Variants in RPS6KA2 observed in about 807,000 individuals in gnomAD.
RPS6KA2 encodes ribosomal protein S6 kinase alpha-2.
A neutral mutation model predicts 91.8 loss-of-function variants in RPS6KA2; 42 were observed. That is an observed-to-expected ratio of 0.46 (90% CI 0.36 to 0.59). The LOEUF (loss-of-function observed/expected upper bound fraction) is 0.59, where lower values mean the gene tolerates loss of function less well. RPS6KA2 is among the 20% of genes least tolerant of loss of function. RPS6KA2 has a pLI of 0.00. For missense variants in RPS6KA2, 798 were observed against 978.5 expected (o/e 0.82, Z 2.46); for synonymous variants, 414 against 393.6 (o/e 1.05, Z -0.61).
intron 1 of RPS6KA2, among the ~76,000 whole-genome samples, chr6:166,617,818 C>T (rs895894286): frequency 2.8e-4 from 42 of 152,234 alleles, no homozygotes; most frequent in African/African-American, 9.6e-4. Context: ...CCGCAACAGC[C>T]ACAGCTGTCT....
At chr6:166,427,344 C>T (rs1778962125) in intron 16 of RPS6KA2, among the ~76,000 whole-genome samples, 1 of 152,210 alleles carries the variant, frequency 6.6e-6, no homozygotes, top group South Asian at 2.1e-4. Flanking sequence ...CAGCCAATAT[C>T]ATACTGAATG....
rs112340841 is a variant in RPS6KA2, at chr6:166,418,092, GAA to G, written c.1938+131_1938+132del. The G allele has an allele frequency of 2.0e-3, 1,151 of 566,320 alleles. No homozygotes were observed. The highest frequency in any genetic ancestry group is 2.9e-3 in the East Asian group (88 of 30,622). 35.1% of individuals were successfully genotyped at this position (566,320 alleles called of 1,614,324 possible). A position where few individuals can be genotyped will look rare whatever the true frequency, so the allele number is the denominator to read the frequency against. ...GAGACAGAGCGAGACTCCATTTCAA[GAA>G]AAAAAAAAAAATATGCTGAGGATAA... On this transcript the variant is annotated intron_variant, in intron 19 of 20. Coordinates refer to ENST00000265678, the MANE Select transcript of RPS6KA2 (RefSeq NM_021135.6). This position sits in a 1 kb window ranked among gnomAD's most constrained non-coding sequence, Gnocchi z 4.9.
chr6:166,497,211 G>A (rs1267734022), intron 8 of RPS6KA2, among the ~76,000 whole-genome samples: 1 of 152,226 alleles, frequency 6.6e-6, no homozygotes, highest in Non-Finnish European at 1.5e-5. Context: ...CTGAAGGTCT[G>A]AATAATAGTA....
At position 166,458,189 on chromosome 6, in the gene RPS6KA2, A is replaced by T. The variant is rs1430955919; in HGVS notation, c.1075+1260T>A. On this transcript the variant is annotated intron_variant, in intron 12 of 20. Transcript: ENST00000265678. The stretch of plus-strand genomic sequence containing the variant: ...CCCAAATCTCAGGCTCTGTGTCCCT[A>T]CCCAAATCTCATCTTGGAGCCCTCA... Among the ~76,000 whole-genome samples, 5 of 152,130 alleles carry T rather than the reference A, an allele frequency of 3.3e-5. 1 individual carries two copies. Among genetic ancestry groups the T allele is most frequent in the African/African-American group, 1.2e-4 (5 of 41,426 alleles).
Position 166,852,638 on chromosome 6 carries a change from G to A in RPS6KA2, c.123+5562C>T, listed in dbSNP as rs1780773593. 6.6e-6 allele frequency among the ~76,000 whole-genome samples: 1 copy of A among 152,012 alleles called. No individual in the cohort carries two copies. Among genetic ancestry groups the A allele is most frequent in the Non-Finnish European group, 1.5e-5 (1 of 68,002 alleles). On this transcript the variant is annotated intron_variant, in intron 2 of 21. Transcript: ENST00000503859. The surrounding 1 kb of genome is among the most constrained non-coding windows in gnomAD (Gnocchi z 4.1). ...TTCCTGACCCTTTTCCTCACCAGGGGACTCGTCGAGGGGTCCAAGCAGCAA... is the reference window on the plus strand; with the variant it reads ...TTCCTGACCCTTTTCCTCACCAGGGAACTCGTCGAGGGGTCCAAGCAGCAA...
intron 2 of RPS6KA2, among the ~76,000 whole-genome samples, chr6:166,786,656 T>C (rs1778937796): frequency 6.6e-6 from 1 of 152,164 alleles, no homozygotes; most frequent in African/African-American, 2.4e-5. Flanking sequence ...ACAATTATAC[T>C]TTTAAAAGAT....
chr6:166,438,004 G>A (rs1779391400), intron 14 of RPS6KA2, among the ~76,000 whole-genome samples: 1 of 152,228 alleles, frequency 6.6e-6, no homozygotes. Flanking sequence ...AGTGGCATGA[G>A]CTCACAGGCT....
intron 10 of RPS6KA2, among the ~76,000 whole-genome samples, chr6:166,482,389 T>C (rs1781258667): frequency 6.6e-6 from 1 of 152,228 alleles, no homozygotes; most frequent in Non-Finnish European, 1.5e-5. Context: ...GGGCCCTCGG[T>C]GACTGCAGAG....
At chr6:166,470,659 C>A (rs376801871) in intron 10 of RPS6KA2, among the ~76,000 whole-genome samples, 3 of 152,234 alleles carry the variant, frequency 2.0e-5, no homozygotes, top group Admixed American at 6.5e-5. Context: ...TCGCCACTGT[C>A]CCCCCAGAAC....
chr6:166,679,774 G>A (rs1052239638), intron 2 of RPS6KA2, among the ~76,000 whole-genome samples: 18 of 152,188 alleles, frequency 1.2e-4, no homozygotes, highest in Non-Finnish European at 2.2e-4. Flanking sequence ...CGGCGCGGGC[G>A]GGAGCTGGGG....
intron 2 of RPS6KA2, among the ~76,000 whole-genome samples, chr6:166,746,083 G>A (rs147518100): frequency 3.8e-3 from 585 of 152,200 alleles, no homozygotes; most frequent in Non-Finnish European, 6.2e-3. Context: ...GTCACCTTCC[G>A]CCTCTACAGA....
At chr6:166,858,304 G>A (rs762650416) in intron 1 of RPS6KA2, 1 of 1,108,104 alleles carries the variant, frequency 9.0e-7, no homozygotes, top group Non-Finnish European at 1.4e-6. Context: ...ATTGCCATGT[G>A]TTTGTAGGTG....
chr6:166,737,062 C>T lies in RPS6KA2; in HGVS notation c.123+121138G>A, dbSNP rs16899352. On this transcript the variant is annotated intron_variant, in intron 2 of 21. Transcript: ENST00000503859. This position sits in a 1 kb window ranked among gnomAD's most constrained non-coding sequence, Gnocchi z 4.3. ...AGAGCGGCAAAGCGCATGGAGCCTACGCTTTTTTACAGACGCAAAAAGATA... is the reference window on the plus strand; with the variant it reads ...AGAGCGGCAAAGCGCATGGAGCCTATGCTTTTTTACAGACGCAAAAAGATA... 4.4e-3 allele frequency among the ~76,000 whole-genome samples: 675 copies of T among 152,222 alleles called. 4 individuals are homozygous for T. Among genetic ancestry groups the T allele is most frequent in the Middle Eastern group, 0.02 (6 of 294 alleles).
intron 1 of RPS6KA2, among the ~76,000 whole-genome samples, chr6:166,545,804 A>G (rs1562570269): frequency 6.6e-6 from 1 of 152,148 alleles, no homozygotes; most frequent in East Asian, 1.9e-4. Flanking sequence ...ATCACAGTCA[A>G]GGCAAATTGG....
intron 3 of RPS6KA2, among the ~76,000 whole-genome samples, chr6:166,512,842 G>T (rs1782518307): frequency 6.6e-6 from 1 of 152,222 alleles, no homozygotes; most frequent in South Asian, 2.1e-4. Context: ...AGGTGTCATT[G>T]CAGTGACACC....
chr6:166,650,832 G>A (rs1787832012), intron 2 of RPS6KA2, among the ~76,000 whole-genome samples: 1 of 152,206 alleles, frequency 6.6e-6, no homozygotes, highest in Admixed American at 6.5e-5. Context: ...CCTGAAGACT[G>A]CAGGTCTCGT....
At chr6:166,413,965 GTTGGATCATTT>G (rs749092647) in intron 19 of RPS6KA2, 34 bp from the exon 20 acceptor site, 8 of 1,606,596 alleles carry the variant, frequency 5.0e-6, no homozygotes, top group Non-Finnish European at 6.8e-6. Context: ...CGGGGGGATG[GTTGGATCATTT>G]GTGCTGGGTC....
chr6:166,853,599 C>T (rs554750050), intron 2 of RPS6KA2, among the ~76,000 whole-genome samples: 1 of 148,772 alleles, frequency 6.7e-6, no homozygotes, highest in Admixed American at 6.7e-5. Context: ...GCCGCCGCCA[C>T]GTCCTATCCC....
intron 2 of RPS6KA2, among the ~76,000 whole-genome samples, chr6:166,794,693 A>C (rs1779179633): frequency 6.6e-6 from 1 of 151,722 alleles, no homozygotes; most frequent in Admixed American, 6.6e-5. Flanking sequence ...TGATGAGTTC[A>C]TGTCCTTTGT....
Sources: allele counts gnomAD v4.1 joint callset (sites outside exome capture counted in the v4.1 genomes callset), GRCh38; gene constraint gnomAD v4.1.1; non-coding constraint Gnocchi (gnomAD v3.1); transcripts MANE v1.5; gene names NCBI Gene and HGNC (gene_info 2026-07-23, HGNC 2026-07-21).